The following ITGAD variants were observed in gnomAD, a reference collection of about 807,000 sequenced individuals.
ITGAD encodes integrin subunit alpha D.
A neutral mutation model predicts 139.0 loss-of-function variants in ITGAD; 105 were observed. The ratio of observed to expected loss-of-function variants is 0.76; its 90% CI spans 0.65 to 0.89. ITGAD has a LOEUF of 0.89. Among genes scored for constraint, ITGAD ranks in the 40% least tolerant of loss-of-function variants. The pLI, the probability that ITGAD is intolerant of heterozygous loss-of-function variation, is 0.00. For missense variants in ITGAD, 1,384 were observed against 1,487.3 expected, an observed-to-expected ratio of 0.93 and a Z score of 1.14; for synonymous variants, 569 against 598.3, an observed-to-expected ratio of 0.95 and a Z score of 0.71.
chr16:31,417,029 TCCTCCCTC>T (rs1241133313), intron 20 of ITGAD, among the ~76,000 whole-genome samples: 247 of 67,242 alleles, frequency 3.7e-3, no homozygotes, highest in Middle Eastern at 0.013. Context: ...CTCCCTTACT[TCCTCCCTC>T]CCTCCCTCCC....
chr16:31,396,979 C>A (rs1450779474), intron 2 of ITGAD, among the ~76,000 whole-genome samples: 1 of 146,280 alleles, frequency 6.8e-6, no homozygotes, highest in Non-Finnish European at 1.5e-5. Context: ...GATCTTATTT[C>A]TTGGGTGGTT....
chr16:31,411,033 C>A (rs776115280), intron 12 of ITGAD, 43 bp from the exon 13 acceptor site: 1 of 1,608,822 alleles, frequency 6.2e-7, no homozygotes, highest in South Asian at 1.1e-5. Context: ...ACAGGGCTGC[C>A]TCTGGCTGGG....
At position 31,418,610 on chromosome 16, in the gene ITGAD, T is replaced by G. The variant is rs373712950; in HGVS notation, c.2780+46T>G. The G allele has an allele frequency of 8.7e-6, 12 of 1,380,900 alleles. No individual in the cohort carries two copies. The African/African-American group carries it at 1.6e-4, about 18-fold the overall frequency. 85.5% of individuals were successfully genotyped at this position (1,380,900 alleles called of 1,614,324 possible). A position where few individuals can be genotyped will look rare whatever the true frequency, so the allele number is the denominator to read the frequency against. ...CCCTTGGACCTCTGGCCTTCCTCTA[T>G]GCCTGGTACTCCTTCTGAGTCCCAG... On this transcript the variant is annotated intron_variant, in intron 23 of 29. Coordinates refer to ENST00000389202, the MANE Select transcript of ITGAD (RefSeq NM_005353.3).
chr16:31,419,827 A>AAG (rs2081974442), intron 23 of ITGAD, among the ~76,000 whole-genome samples: 1 of 151,614 alleles, frequency 6.6e-6, no homozygotes, highest in African/African-American at 2.4e-5. Flanking sequence ...AAAAAAAAAA[A>AAG]AAAAGAAAAA....
intron 12 of ITGAD, 95 bp downstream of exon 12, chr16:31,410,973 G>A (rs1235920574): frequency 3.1e-6 from 5 of 1,596,840 alleles, no homozygotes; most frequent in South Asian, 2.3e-5. Context: ...AGGGGCTTTG[G>A]GGGCCTTGGG....
At chr16:31,407,697 G>C in intron 8 of ITGAD, 29 bp downstream of exon 8, 1 of 1,613,558 alleles carries the variant, frequency 6.2e-7, no homozygotes, top group Non-Finnish European at 8.5e-7. Flanking sequence ...CCTGCCCCAG[G>C]CTCAGCCTGC....
intron 10 of ITGAD, 48 bp downstream of exon 10, chr16:31,408,546 C>A: frequency 6.5e-7 from 1 of 1,537,492 alleles, no homozygotes; most frequent in South Asian, 1.1e-5. Flanking sequence ...ACCAACTCTG[C>A]ACCCACCCTG....
In ITGAD at chr16:31,411,291, C is replaced by T. The variant is rs1371035609; in HGVS notation, c.1498-17C>T. ...GCGTCACCTGGATTGGGGTCTGACA[C>T]TGCTTGTGTTCAGCAGAGGGTGCAG... On this transcript the variant is annotated splice_polypyrimidine_tract_variant and intron_variant, in intron 13 of 29. Coordinates refer to ENST00000389202, the MANE Select transcript of ITGAD (RefSeq NM_005353.3). 1 of 1,608,862 alleles carries T rather than the reference C, an allele frequency of 6.2e-7. No homozygotes were observed. Among genetic ancestry groups the T allele is most frequent in the African/African-American group, 1.3e-5 (1 of 74,786 alleles).
chr16:31,417,978 T>C, intron 20 of ITGAD, 97 bp from the exon 21 acceptor site: 1 of 928,604 alleles, frequency 1.1e-6, no homozygotes, highest in Non-Finnish European at 1.7e-6. Flanking sequence ...AAGAAAAGTC[T>C]GTCATTTTCC....
intron 5 of ITGAD, among the ~76,000 whole-genome samples, chr16:31,398,773 T>C (rs1469007998): frequency 1.3e-5 from 2 of 152,160 alleles, no homozygotes; most frequent in Non-Finnish European, 2.9e-5. Context: ...CATGAGTCCT[T>C]GTGCCTGGCC....
At chr16:31,401,548 A>G (rs1454190758) in intron 5 of ITGAD, among the ~76,000 whole-genome samples, 3 of 152,112 alleles carry the variant, frequency 2.0e-5, no homozygotes, top group African/African-American at 7.2e-5. Context: ...GGCATATCCT[A>G]CAGGCCTCGA....
chr16:31,418,340 A>C lies in ITGAD; in HGVS notation c.2656A>C (p.Thr886Pro). The stretch of plus-strand genomic sequence containing the variant: ...CACATTCGATGTCTCCTACAAGGCC[A>C]CCCTGGGAGACAGGATGCTTATGAG... ...IVTFDVSYKA[T>P]LGDRMLMRAS... The change falls in exon 22 of 30, where the codon ACC becomes CCC. Residue 886 changes from threonine (T) to proline (P), a missense_variant. Physicochemically the swap from Thr to Pro is conservative, Grantham distance 38. Coordinates refer to ENST00000389202, the MANE Select transcript of ITGAD (RefSeq NM_005353.3). 1.9e-6 allele frequency: 3 copies of C among 1,613,912 alleles called. No individual in the cohort carries two copies. Among genetic ancestry groups the C allele is most frequent in the Non-Finnish European group, 2.5e-6 (3 of 1,179,996 alleles).
chr16:31,424,593 A>AAC lies in ITGAD; in HGVS notation c.3372+17_3372+18dup. 3 of 1,516,242 alleles carry AAC rather than the reference A, an allele frequency of 2.0e-6. No individual in the cohort carries two copies. The highest frequency in any genetic ancestry group is 2.7e-6 in the Non-Finnish European group (3 of 1,122,652). The allele number at this position is 1,516,242 out of a possible 1,614,324, so 93.9% of individuals were successfully genotyped here. ...ACTGTACAAGGCAAGTGTTTTATCC[A>AAC]ACTCTTTTTTTTTTTTTTTTGAGAT... On this transcript the variant is annotated intron_variant, in intron 29 of 29. Coordinates refer to ENST00000389202, the MANE Select transcript of ITGAD (RefSeq NM_005353.3).
Position 31,424,579 on chromosome 16 carries a change from C to T in ITGAD, c.3372+2C>T, listed in dbSNP as rs773291820. 13 of 1,543,442 alleles carry T rather than the reference C, an allele frequency of 8.4e-6. No homozygotes were observed. Among genetic ancestry groups the T allele is most frequent in the Admixed American group, 2.0e-5 (1 of 50,612 alleles). On this transcript the variant is annotated splice_donor_variant, in intron 29 of 29. Coordinates refer to ENST00000389202, the MANE Select transcript of ITGAD (RefSeq NM_005353.3). LOFTEE classifies it low-confidence loss of function (GC_TO_GT_DONOR). The stretch of plus-strand genomic sequence containing the variant: ...CTCATCACAGCCACACTGTACAAGG[C>T]AAGTGTTTTATCCAACTCTTTTTTT...
At chr16:31,425,971 G>A (rs769764127) in intron 29 of ITGAD, 44 bp from the exon 30 acceptor site, 24 of 1,347,906 alleles carry the variant, frequency 1.8e-5, no homozygotes, top group South Asian at 1.4e-4. Context: ...GTGAGCCACC[G>A]GGCCCGGACT....
At position 31,403,562 on chromosome 16, in the gene ITGAD, C is replaced by G. The variant is rs1431539723; in HGVS notation, c.621C>G (p.Thr207=). The G allele has an allele frequency of 4.3e-6, 7 of 1,614,062 alleles. No individual in the cohort carries two copies. The highest frequency in any genetic ancestry group is 5.9e-6 in the Non-Finnish European group (7 of 1,180,040). ...ACTTCACCTTCACCCAATTCCGGACCAGCCCGAGCCAGCAGAGCCTGGTGG... is the reference window on the plus strand; with the variant it reads ...ACTTCACCTTCACCCAATTCCGGACGAGCCCGAGCCAGCAGAGCCTGGTGG... The part of the protein sequence containing the change: ...KIHFTFTQFR[T]SPSQQSLVDP... The change falls in exon 7 of 30, where the codon ACC becomes ACG. Residue 207 remains threonine (T), a synonymous_variant. Transcript: ENST00000389202. This position sits in a 1 kb window ranked among gnomAD's most constrained non-coding sequence, Gnocchi z 4.4.
chr16:31,418,114 A>T lies in ITGAD; in HGVS notation c.2539A>T (p.Thr847Ser), dbSNP rs2081934272. 6.2e-7 allele frequency: 1 copy of T among 1,614,004 alleles called. No homozygotes were observed. The highest frequency in any genetic ancestry group is 1.3e-5 in the African/African-American group (1 of 74,992). ...HQSALRLACE[T>S]VPTEDEGLRS... ...GAGTGCCCTGCGCCTGGCATGTGAGACAGTGCCCACTGAGGATGAGGGCCT... is the reference window on the plus strand; with the variant it reads ...GAGTGCCCTGCGCCTGGCATGTGAGTCAGTGCCCACTGAGGATGAGGGCCT... Residue 847 changes from threonine (T) to serine (S), a missense_variant, in exon 21 of 30, where the codon ACA (threonine) becomes TCA (serine). By Grantham distance (58) the Thr-to-Ser change is moderately conservative (BLOSUM62 1). Transcript: ENST00000389202.
At chr16:31,414,152 AATCT>A (rs1280090507) in intron 16 of ITGAD, among the ~76,000 whole-genome samples, 4 of 151,938 alleles carry the variant, frequency 2.6e-5, no homozygotes, top group Non-Finnish European at 5.9e-5. Context: ...TCACCTATCT[AATCT>A]ATCCTCTACC....
chr16:31,398,440 A>AC (rs2081326801), intron 5 of ITGAD, among the ~76,000 whole-genome samples: 1 of 151,612 alleles, frequency 6.6e-6, no homozygotes, highest in African/African-American at 2.4e-5. Flanking sequence ...AAAAAAAAAA[A>AC]AAACAAAAAA....
Sources: gnomAD v4.1 joint callset for allele counts (sites outside exome capture counted in the v4.1 genomes callset) on GRCh38, gnomAD v4.1.1 for gene constraint, Gnocchi (gnomAD v3.1) non-coding constraint, MANE v1.5 for transcripts, NCBI Gene and HGNC (gene_info 2026-07-23, HGNC 2026-07-21) for gene names.